The following IL1RAPL1 variants were observed in gnomAD, a reference collection of about 807,000 sequenced individuals.
IL1RAPL1 encodes the protein interleukin-1 receptor accessory protein-like 1.
Under a neutral mutation model 48.4 loss-of-function variants are expected in IL1RAPL1, and 3 were observed. The observed-to-expected ratio is 0.06, with a 90% CI of 0.03 to 0.16. The LOEUF is 0.16. Ranked by LOEUF, IL1RAPL1 falls within the 10% of genes least tolerant of loss-of-function variation. The pLI is 1.00. For synonymous variants in IL1RAPL1, 185 were observed against 187.7 expected (o/e 0.99, Z 0.12); for missense variants, 349 against 530.6 (o/e 0.66, Z 3.36).
intron 5 of IL1RAPL1, among the ~76,000 whole-genome samples, chrX:29,646,520 G>C (rs773735329): frequency 3.6e-5 from 4 of 111,209 alleles, no homozygotes; most frequent in Non-Finnish European, 7.5e-5. Context: ...GGAATATAAA[G>C]CTATAGAAAG....
intron 5 of IL1RAPL1, among the ~76,000 whole-genome samples, chrX:29,469,265 G>T (rs746663601): frequency 8.9e-6 from 1 of 111,860 alleles, no homozygotes; most frequent in African/African-American, 3.2e-5. Context: ...TGGCAAATCT[G>T]TTTGCATAAT....
Position 28,641,685 on chromosome X carries a change from A to G in IL1RAPL1, c.-25+53638A>G, listed in dbSNP as rs751838954. On this transcript the variant is annotated intron_variant, in intron 1 of 10. Coordinates refer to ENST00000378993, the MANE Select transcript of IL1RAPL1 (RefSeq NM_014271.4). ...GTTGAACTAATTTACACTCCCACCA[A>G]CAGTGTAAAAGCATTCCTATTTCTC... Among the ~76,000 whole-genome samples, 20 of 111,637 alleles carry G rather than the reference A, an allele frequency of 1.8e-4. No individual in the cohort carries two copies. In the South Asian group the frequency reaches 7.6e-3, roughly 42 times the overall value.
At chrX:28,727,934 G>T (rs5943455) in intron 1 of IL1RAPL1, among the ~76,000 whole-genome samples, 53,246 of 107,079 alleles carry the variant, frequency 0.5, 10,270 homozygotes, top group Middle Eastern at 0.73. Context: ...GTGGGGGAAG[G>T]GGGGAGGGAT....
chrX:28,676,082 A>T (rs765088706), intron 1 of IL1RAPL1, among the ~76,000 whole-genome samples: 6 of 112,075 alleles, frequency 5.4e-5, no homozygotes, highest in African/African-American at 1.9e-4. Flanking sequence ...ATGATTGTTA[A>T]TGAAAACGTT....
chrX:29,407,680 A>G (rs1381613100), intron 5 of IL1RAPL1, among the ~76,000 whole-genome samples: 1 of 111,992 alleles, frequency 8.9e-6, no homozygotes, highest in South Asian at 3.6e-4. Context: ...TTTGCTCATT[A>G]AAAGTATGTA....
chrX:29,776,713 T>C (rs1929207525), intron 6 of IL1RAPL1, among the ~76,000 whole-genome samples: 1 of 111,836 alleles, frequency 8.9e-6, no homozygotes. Context: ...TTATAGTCTC[T>C]TTTTGATCAG....
chrX:29,110,524 G>A (rs1388836976), intron 2 of IL1RAPL1, among the ~76,000 whole-genome samples: 3 of 111,661 alleles, frequency 2.7e-5, no homozygotes, highest in African/African-American at 6.5e-5. Flanking sequence ...TTAGGTTTAC[G>A]TATTGTAAGG....
At chrX:29,334,160 C>A (rs1204925485) in intron 3 of IL1RAPL1, among the ~76,000 whole-genome samples, 1 of 76,784 alleles carries the variant, frequency 1.3e-5, no homozygotes, top group Non-Finnish European at 2.6e-5. Flanking sequence ...GCAGAGGCGC[C>A]CCTCACCTCC....
chrX:29,035,258 A>G (rs778215192), intron 2 of IL1RAPL1, among the ~76,000 whole-genome samples: 4 of 111,133 alleles, frequency 3.6e-5, no homozygotes, highest in East Asian at 2.8e-4. Flanking sequence ...TGCCTTTCCA[A>G]TGTTAAATCT....
intron 2 of IL1RAPL1, among the ~76,000 whole-genome samples, chrX:28,805,544 A>G (rs1437417706): frequency 2.7e-5 from 3 of 111,204 alleles, no homozygotes; most frequent in Admixed American, 9.6e-5. Context: ...AAGAACTTCA[A>G]GTTAACACAG....
intron 2 of IL1RAPL1, among the ~76,000 whole-genome samples, chrX:29,035,692 G>T (rs1926717688): frequency 9.0e-6 from 1 of 110,726 alleles, no homozygotes; most frequent in Non-Finnish European, 1.9e-5. Context: ...TAGAGAAAAT[G>T]TTACATGAAC....
At chrX:29,043,995 C>T (rs1212303258) in intron 2 of IL1RAPL1, among the ~76,000 whole-genome samples, 1 of 111,647 alleles carries the variant, frequency 9.0e-6, no homozygotes, top group Non-Finnish European at 1.9e-5. Flanking sequence ...GACGGCTCCC[C>T]TGGGTTATAG....
intron 2 of IL1RAPL1, among the ~76,000 whole-genome samples, chrX:29,206,324 C>A (rs1930665099): frequency 9.0e-6 from 1 of 110,646 alleles, no homozygotes. Flanking sequence ...TGTTTTTTTT[C>A]AAGAACAAAG....
At chrX:29,025,411 T>G (rs925639542) in intron 2 of IL1RAPL1, among the ~76,000 whole-genome samples, 2 of 111,974 alleles carry the variant, frequency 1.8e-5, no homozygotes, top group African/African-American at 6.5e-5. Context: ...TAGCTTAGCC[T>G]GTGAATGTTT....
intron 2 of IL1RAPL1, among the ~76,000 whole-genome samples, chrX:29,185,363 T>A (rs1246034000): frequency 1.8e-5 from 2 of 111,752 alleles, no homozygotes; most frequent in African/African-American, 6.5e-5. Flanking sequence ...CTAACCTGAC[T>A]TTATATTGCT....
In IL1RAPL1 at chrX:29,329,813, TA is replaced by T. The variant is rs201969024; in HGVS notation, c.362+46613del. Among the ~76,000 whole-genome samples the T allele has an allele frequency of 4.9e-3, 406 of 83,268 alleles. 1 individual carries two copies. Among genetic ancestry groups the T allele is most frequent in the African/African-American group, 6.1e-3 (141 of 23,026 alleles). The allele number at this position is 83,268 out of a possible 115,157, so 72.3% of individuals were successfully genotyped here. A position where few individuals can be genotyped will look rare whatever the true frequency, so the allele number is the denominator to read the frequency against. ...GGGCAACAAGTATGAAACTCCGTCT[TA>T]AAAAAAAAAAAAAAAACAACTACTG... is the stretch of plus-strand genomic sequence containing the variant. On this transcript the variant is annotated intron_variant, in intron 3 of 10. Coordinates refer to ENST00000378993, the MANE Select transcript of IL1RAPL1 (RefSeq NM_014271.4).
intron 6 of IL1RAPL1, among the ~76,000 whole-genome samples, chrX:29,881,937 T>A (rs1387137820): frequency 8.9e-6 from 1 of 111,801 alleles, no homozygotes; most frequent in Non-Finnish European, 1.9e-5. Flanking sequence ...CTGAAATCTT[T>A]GGAAACTACA....
At chrX:29,382,078 G>T (rs1370209412) in intron 3 of IL1RAPL1, among the ~76,000 whole-genome samples, 2 of 109,579 alleles carry the variant, frequency 1.8e-5, no homozygotes, top group African/African-American at 6.7e-5. Flanking sequence ...CTAGTGAACA[G>T]AAGGGTTTTG....
At chrX:29,330,632 C>G (rs1039773426) in intron 3 of IL1RAPL1, among the ~76,000 whole-genome samples, 5 of 111,225 alleles carry the variant, frequency 4.5e-5, no homozygotes, top group African/African-American at 1.6e-4. Flanking sequence ...GTTTCCTTGA[C>G]CCAGACAGGC....
Sources: allele counts gnomAD v4.1 joint callset (sites outside exome capture counted in the v4.1 genomes callset), GRCh38; gene constraint gnomAD v4.1.1; transcripts MANE v1.5; gene names NCBI Gene and HGNC (gene_info 2026-07-23, HGNC 2026-07-21).